The following B3GALT1 variants were observed in gnomAD, a reference collection of about 807,000 sequenced individuals.
B3GALT1 encodes UDP-Gal:betaGlcNAc beta 1,3-galactosyltransferase, polypeptide 1.
Under a neutral mutation model 23.2 loss-of-function variants are expected in B3GALT1, and 10 were observed. The observed-to-expected ratio is 0.43, with a 90% CI of 0.27 to 0.73. The LOEUF is 0.73. Among genes scored for constraint, B3GALT1 ranks in the 30% least tolerant of loss-of-function variants. The pLI, the probability that B3GALT1 is intolerant of heterozygous loss-of-function variation, is 0.21. For synonymous variants in B3GALT1, 156 were observed against 141.5 expected (o/e 1.10, Z -0.73); for missense variants, 299 against 405.4 (o/e 0.74, Z 2.25).
At chr2:167,356,182 C>A (rs913512917) in intron 1 of B3GALT1, among the ~76,000 whole-genome samples, 1 of 152,174 alleles carries the variant, frequency 6.6e-6, no homozygotes, top group African/African-American at 2.4e-5. Flanking sequence ...TAGGTTGATA[C>A]TTCATTTATA....
At chr2:167,692,016 T>C (rs192245469) in intron 3 of B3GALT1, among the ~76,000 whole-genome samples, 1 of 152,136 alleles carries the variant, frequency 6.6e-6, no homozygotes, top group African/African-American at 2.4e-5. Flanking sequence ...TGGCCTTCCT[T>C]GAGTGGCACA....
intron 1 of B3GALT1, among the ~76,000 whole-genome samples, chr2:167,463,951 A>G (rs371328100): frequency 1.3e-5 from 2 of 152,178 alleles, no homozygotes; most frequent in Non-Finnish European, 2.9e-5. Context: ...AACCCCAATG[A>G]TCTGAGCAAG....
intron 1 of B3GALT1, among the ~76,000 whole-genome samples, chr2:167,315,212 A>G (rs1226444739): frequency 6.6e-6 from 1 of 152,164 alleles, no homozygotes; most frequent in Non-Finnish European, 1.5e-5. Flanking sequence ...CCATATTTAA[A>G]ATCCCTGTTT....
chr2:167,555,995 CA>C (rs1238489834), intron 2 of B3GALT1, among the ~76,000 whole-genome samples: 1 of 152,122 alleles, frequency 6.6e-6, no homozygotes, highest in East Asian at 1.9e-4. Context: ...TGAATTATGC[CA>C]ATGGGATGGA....
rs115326727 is a variant in B3GALT1, at chr2:167,869,453, T to C, written c.414T>C (p.His138=). The change falls in exon 5 of 5, where the codon CAT becomes CAC. Residue 138 remains histidine (H), a synonymous_variant. Coordinates refer to ENST00000392690, the MANE Select transcript of B3GALT1 (RefSeq NM_020981.4). This position sits in a 1 kb window ranked among gnomAD's most constrained non-coding sequence, Gnocchi z 6.4. Reference sequence around the variant, plus strand: ...TGGAGCAAGAGAGCCAAATCTTCCATGATATCATCGTGGAGGACTTTATTG... The same window carrying C: ...TGGAGCAAGAGAGCCAAATCTTCCACGATATCATCGTGGAGGACTTTATTG... ...QMVEQESQIF[H]DIIVEDFIDS... 8.8e-4 allele frequency: 1,420 copies of C among 1,613,876 alleles called. 8 individuals carry two copies. In the African/African-American group the frequency reaches 0.017, roughly 20 times the overall value.
rs180802615 is a variant in B3GALT1 at position 167,501,803 on chromosome 2, A to T, written c.-410+11526A>T. On this transcript the variant is annotated intron_variant, in intron 2 of 4. Transcript: ENST00000392690. ...GGAGTAATTAAATACCTTGAACTTT[A>T]TCTTGAAGTACCTACTTGTTTCTCG... 4.0e-5 allele frequency among the ~76,000 whole-genome samples: 6 copies of T among 150,108 alleles called. No individual in the cohort carries two copies. The East Asian group carries it at 1.2e-3, about 30-fold the overall frequency.
chr2:167,801,217 G>C (rs1688632296), intron 3 of B3GALT1, among the ~76,000 whole-genome samples: 1 of 152,128 alleles, frequency 6.6e-6, no homozygotes. Context: ...AAAACCAGTT[G>C]ATGTGTATTT....
At position 167,341,318 on chromosome 2, in the gene B3GALT1, T is replaced by C. The variant is rs559822339; in HGVS notation, c.-511+47984T>C. Among the ~76,000 whole-genome samples the C allele has an allele frequency of 1.4e-4, 22 of 152,328 alleles. No homozygotes were observed. The East Asian group carries it at 4.0e-3, about 28-fold the overall frequency. ...TTTGGAGTTTGATGCACTTCAAATA[T>C]TTGTTTGCCATTTATTTAGAAGAGA... is the stretch of plus-strand genomic sequence containing the variant. On this transcript the variant is annotated intron_variant, in intron 1 of 4. Coordinates refer to ENST00000392690, the MANE Select transcript of B3GALT1 (RefSeq NM_020981.4).
In B3GALT1 at chr2:167,625,985, A is replaced by ATATATG. The variant is rs1324767675; in HGVS notation, c.-409-20923_-409-20922insATATGT. Among the ~76,000 whole-genome samples the ATATATG allele has an allele frequency of 2.5e-5, 3 of 120,178 alleles. No homozygotes were observed. In the East Asian group the frequency reaches 7.4e-4, roughly 30 times the overall value. The allele number at this position is 120,178 out of a possible 152,430, so 78.8% of individuals were successfully genotyped here. A position where few individuals can be genotyped will look rare whatever the true frequency, so the allele number is the denominator to read the frequency against. ...TATATATATATATATATATATATATATGACCTAAGCCACAGCAATATTTGC... is the reference window on the plus strand; with the variant it reads ...TATATATATATATATATATATATATATATATGTGACCTAAGCCACAGCAATATTTGC... On this transcript the variant is annotated intron_variant, in intron 2 of 4. Transcript: ENST00000392690.
Position 167,429,206 on chromosome 2 carries a change from A to G in B3GALT1, c.-510-60971A>G, listed in dbSNP as rs181544315. Among the ~76,000 whole-genome samples, 714 of 150,198 alleles carry G rather than the reference A, an allele frequency of 4.8e-3. 6 individuals are homozygous for G. Among genetic ancestry groups the G allele is most frequent in the East Asian group, 0.017 (88 of 5,030 alleles). On this transcript the variant is annotated intron_variant, in intron 1 of 4. Transcript: ENST00000392690. ...TGAGGCCAGGGAATGGCGTGAACCC[A>G]GGAGGCAGAGCTTGCAGTGAGCCGA...
intron 3 of B3GALT1, among the ~76,000 whole-genome samples, chr2:167,776,211 GAT>G (rs1394868745): frequency 6.6e-6 from 1 of 152,120 alleles, no homozygotes; most frequent in Non-Finnish European, 1.5e-5. Context: ...ATAACTTGAA[GAT>G]ACTTTGATAT....
At chr2:167,550,631 G>A (rs1036391514) in intron 2 of B3GALT1, among the ~76,000 whole-genome samples, 1 of 152,200 alleles carries the variant, frequency 6.6e-6, no homozygotes, top group Non-Finnish European at 1.5e-5. Context: ...GTGGCCTCTA[G>A]TGGTTGTCTG....
At chr2:167,710,198 C>A (rs994042498) in intron 3 of B3GALT1, among the ~76,000 whole-genome samples, 1 of 152,086 alleles carries the variant, frequency 6.6e-6, no homozygotes, top group African/African-American at 2.4e-5. Flanking sequence ...AAATACTCAA[C>A]CAAGAAAAAC....
intron 2 of B3GALT1, among the ~76,000 whole-genome samples, chr2:167,643,664 T>C (rs1685693627): frequency 6.6e-6 from 1 of 152,178 alleles, no homozygotes; most frequent in South Asian, 2.1e-4. Context: ...GAGGTCTCCA[T>C]ACACCCAGCC....
chr2:167,510,402 G>GTT (rs1483182537), intron 2 of B3GALT1, among the ~76,000 whole-genome samples: 47 of 135,212 alleles, frequency 3.5e-4, no homozygotes, highest in African/African-American at 1.2e-3. Context: ...ATGATTGCAA[G>GTT]TTTTGTTTTT....
At chr2:167,833,058 A>G (rs1689383977) in intron 4 of B3GALT1, among the ~76,000 whole-genome samples, 1 of 152,196 alleles carries the variant, frequency 6.6e-6, no homozygotes, top group Non-Finnish European at 1.5e-5. Context: ...TGGTTTCTTA[A>G]GGGACAGGCA....
intron 1 of B3GALT1, among the ~76,000 whole-genome samples, chr2:167,337,463 G>A (rs1199058508): frequency 6.6e-6 from 1 of 151,954 alleles, no homozygotes; most frequent in Non-Finnish European, 1.5e-5. Context: ...TATCTGTCCA[G>A]CTGGGTTTCC....
At chr2:167,496,118 C>G (rs1349395487) in intron 2 of B3GALT1, among the ~76,000 whole-genome samples, 2 of 152,100 alleles carry the variant, frequency 1.3e-5, no homozygotes, top group Non-Finnish European at 2.9e-5. Flanking sequence ...TTTTATTCTT[C>G]CAGTTCATTT....
At chr2:167,411,545 T>C (rs1395453107) in intron 1 of B3GALT1, among the ~76,000 whole-genome samples, 1 of 152,168 alleles carries the variant, frequency 6.6e-6, no homozygotes, top group African/African-American at 2.4e-5. Context: ...TAAGACTGCT[T>C]GTATCAATAG....
Sources: allele counts gnomAD v4.1 joint callset (sites outside exome capture counted in the v4.1 genomes callset), GRCh38; gene constraint gnomAD v4.1.1; non-coding constraint Gnocchi (gnomAD v3.1); transcripts MANE v1.5; gene names NCBI Gene and HGNC (gene_info 2026-07-23, HGNC 2026-07-21).